SCML4: variants seen among roughly 807,000 people sequenced by gnomAD.
SCML4 encodes the protein sex comb on midleg-like protein 4.
A neutral mutation model predicts 41.1 loss-of-function variants in SCML4; 34 were observed. The observed-to-expected ratio is 0.83, with a 90% CI of 0.63 to 1.10. SCML4 has a LOEUF of 1.10. Among genes scored for constraint, SCML4 ranks in the 50% least tolerant of loss-of-function variants. The pLI is 0.00. For synonymous variants in SCML4, 214 were observed against 220.9 expected, an observed-to-expected ratio of 0.97 and a Z score of 0.28; for missense variants, 522 against 534.1, an observed-to-expected ratio of 0.98 and a Z score of 0.22.
upstream of SCML4, among the ~76,000 whole-genome samples, chr6:107,826,987 C>T (rs537753311): frequency 2.4e-3 from 371 of 151,936 alleles, 3 homozygotes; most frequent in Non-Finnish European, 3.8e-3. Flanking sequence ...GGTGTGAACC[C>T]GGGAGGCGGA....
At position 107,746,880 on chromosome 6, in the gene SCML4, T is replaced by C; in HGVS notation, c.296A>G (p.Tyr99Cys). ...CCCCGCATTGGCCTGCTTGTTGATG[T>C]AGAGGCAGACTGCGGAGACAGAGGT... is the stretch of plus-strand genomic sequence containing the variant. ...AAPQALTVCL[Y>C]INKQANAGPY... Residue 99 changes from tyrosine to cysteine, a missense_variant, in exon 4 of 8, where the codon TAC becomes TGC. By Grantham distance (194) the Tyr-to-Cys change is radical. Transcript: ENST00000369020. 1 of 1,612,566 alleles carries C rather than the reference T, an allele frequency of 6.2e-7. No individual in the cohort carries two copies. The highest frequency in any genetic ancestry group is 8.5e-7 in the Non-Finnish European group (1 of 1,179,150).
intron 1 of SCML4, among the ~76,000 whole-genome samples, chr6:107,810,025 G>A (rs568774808): frequency 6.6e-6 from 1 of 152,306 alleles, no homozygotes; most frequent in East Asian, 1.9e-4. Context: ...TGTGGTCAGG[G>A]GAGAGGGCAG....
chr6:107,779,727 G>C (rs1781334039), intron 1 of SCML4, among the ~76,000 whole-genome samples: 1 of 152,136 alleles, frequency 6.6e-6, no homozygotes, highest in Non-Finnish European at 1.5e-5. Flanking sequence ...TCTGCCAGCA[G>C]TTTCATCCTA....
intron 6 of SCML4, among the ~76,000 whole-genome samples, chr6:107,714,202 A>C (rs1774520273): frequency 6.6e-6 from 1 of 152,106 alleles, no homozygotes; most frequent in South Asian, 2.1e-4. Context: ...GTGAGGAGAG[A>C]GCATGTCTCT....
intron 1 of SCML4, among the ~76,000 whole-genome samples, chr6:107,813,371 T>TAAAAA (rs1562284376): frequency 1.0e-3 from 2 of 1,948 alleles, no homozygotes; most frequent in African/African-American, 2.8e-3. Flanking sequence ...TCAAAAAAAT[T>TAAAAA]ATATATATAT....
At chr6:107,734,962 A>G (rs1776912841) in intron 5 of SCML4, among the ~76,000 whole-genome samples, 2 of 151,896 alleles carry the variant, frequency 1.3e-5, no homozygotes, top group Admixed American at 1.3e-4. Context: ...AGCAACCTCC[A>G]CCTCCTGGGT....
intron 2 of SCML4, among the ~76,000 whole-genome samples, chr6:107,751,818 T>C (rs914540026): frequency 4.6e-5 from 7 of 152,022 alleles, no homozygotes; most frequent in Admixed American, 4.6e-4. Context: ...GTATTTTTAG[T>C]AGAGACAGGC....
intron 2 of SCML4, among the ~76,000 whole-genome samples, chr6:107,763,384 T>G (rs1281289810): frequency 2.6e-5 from 4 of 151,612 alleles, no homozygotes; most frequent in Admixed American, 1.3e-4. Context: ...GTTCTTGTTT[T>G]TTTTTTTTTT....
the SCML4 span, among the ~76,000 whole-genome samples, chr6:107,837,815 A>G: frequency 6.6e-6 from 1 of 152,048 alleles, no homozygotes; most frequent in Non-Finnish European, 1.5e-5. Context: ...CTGACCCTCC[A>G]CATAGGACAA....
At chr6:107,768,755 G>A (rs1229736631) in intron 2 of SCML4, among the ~76,000 whole-genome samples, 2 of 152,180 alleles carry the variant, frequency 1.3e-5, no homozygotes, top group African/African-American at 4.8e-5. Flanking sequence ...GTATGATTAT[G>A]ATTGCTATTA....
At chr6:107,735,528 G>A (rs1171791155) in intron 5 of SCML4, among the ~76,000 whole-genome samples, 1 of 151,896 alleles carries the variant, frequency 6.6e-6, no homozygotes, top group African/African-American at 2.4e-5. Context: ...GCCCGACACA[G>A]TGGCTCACTC....
In SCML4 at chr6:107,812,314, C is replaced by A. The variant is rs551566438; in HGVS notation, c.-60+11812G>T. Among the ~76,000 whole-genome samples, 107 of 152,298 alleles carry A rather than the reference C, an allele frequency of 7.0e-4. 1 individual carries two copies. The highest frequency in any genetic ancestry group is 3.1e-3 in the South Asian group (15 of 4,820). On this transcript the variant is annotated intron_variant, in intron 1 of 7. Coordinates refer to ENST00000369020, the MANE Select transcript of SCML4 (RefSeq NM_198081.5). Reference sequence around the variant, plus strand: ...GTCCCCACAGATGAACTGAACAATACCACCAGGGTTTCAGCTCCAAACCCT... The same window carrying A: ...GTCCCCACAGATGAACTGAACAATAACACCAGGGTTTCAGCTCCAAACCCT...
chr6:107,826,951 T>C (rs901283484), upstream of SCML4, among the ~76,000 whole-genome samples: 1 of 151,888 alleles, frequency 6.6e-6, no homozygotes, highest in South Asian at 2.1e-4. Context: ...TAGTCCCAGC[T>C]ACTTGGGAGG....
At chr6:107,788,022 A>G (rs1030817642) in intron 1 of SCML4, among the ~76,000 whole-genome samples, 3 of 152,260 alleles carry the variant, frequency 2.0e-5, no homozygotes, top group African/African-American at 7.2e-5. Flanking sequence ...AACAATCAGC[A>G]GAAAATAAAC....
intron 1 of SCML4, among the ~76,000 whole-genome samples, chr6:107,820,700 C>T (rs1784883500): frequency 6.6e-6 from 1 of 152,190 alleles, no homozygotes; most frequent in Non-Finnish European, 1.5e-5. Context: ...CACGGGCTGG[C>T]AGCCAGGGCG....
At chr6:107,706,709 C>T (rs966493754) in intron 7 of SCML4, among the ~76,000 whole-genome samples, 11 of 152,030 alleles carry the variant, frequency 7.2e-5, no homozygotes, top group Admixed American at 3.3e-4. Context: ...GGGGGAGTGG[C>T]GGCTGTGTAA....
intron 7 of SCML4, among the ~76,000 whole-genome samples, chr6:107,706,240 G>T (rs9386658): frequency 0.11 from 16,883 of 152,110 alleles, 1,079 homozygotes; most frequent in Admixed American, 0.17. Flanking sequence ...CCACTCCCAG[G>T]AGCCTCATTT....
At chr6:107,738,216 C>T (rs1457847820) in intron 5 of SCML4, among the ~76,000 whole-genome samples, 2 of 152,308 alleles carry the variant, frequency 1.3e-5, no homozygotes, top group East Asian at 3.9e-4. Context: ...AAACACAAAC[C>T]ACCTTCAGAT....
chr6:107,743,043 G>T (rs1337647614), intron 5 of SCML4, among the ~76,000 whole-genome samples: 1 of 152,178 alleles, frequency 6.6e-6, no homozygotes, highest in Non-Finnish European at 1.5e-5. Flanking sequence ...CTGTAGGGGG[G>T]ATGGAGTTAA....
Sources: allele counts gnomAD v4.1 joint callset (sites outside exome capture counted in the v4.1 genomes callset), GRCh38; gene constraint gnomAD v4.1.1; transcripts MANE v1.5; gene names NCBI Gene and HGNC (gene_info 2026-07-23, HGNC 2026-07-21).